Variants in PTPRN2 observed in about 807,000 individuals in gnomAD.
The protein encoded by PTPRN2 is receptor-type tyrosine-protein phosphatase N2.
PTPRN2 carries 74 observed loss-of-function variants against 118.8 expected under a neutral mutation model. That is an observed-to-expected ratio of 0.62 (90% CI 0.52 to 0.76). The LOEUF (loss-of-function observed/expected upper bound fraction) is 0.76, where lower values mean the gene tolerates loss of function less well. Among genes scored for constraint, PTPRN2 ranks in the 30% least tolerant of loss-of-function variants. The pLI, the probability that PTPRN2 is intolerant of heterozygous loss-of-function variation, is 0.00. For missense variants in PTPRN2, 1,481 were observed against 1,394.4 expected (o/e 1.06, Z -0.99); for synonymous variants, 641 against 608.0 (o/e 1.05, Z -0.80).
intron 12 of PTPRN2, among the ~76,000 whole-genome samples, chr7:157,811,919 G>A (rs1415306169): frequency 6.6e-6 from 1 of 152,148 alleles, no homozygotes; most frequent in East Asian, 1.9e-4. Context: ...AATGCTGAAT[G>A]AGTCTCCGAC....
intron 1 of PTPRN2, among the ~76,000 whole-genome samples, chr7:158,493,344 T>C (rs1157133291): frequency 6.7e-6 from 1 of 148,602 alleles, no homozygotes; most frequent in East Asian, 2.0e-4. Context: ...CCTGCACACA[T>C]ACACACACGC....
At chr7:158,543,873 C>A (rs1236028670) in intron 1 of PTPRN2, among the ~76,000 whole-genome samples, 2 of 152,246 alleles carry the variant, frequency 1.3e-5, no homozygotes, top group Non-Finnish European at 2.9e-5. Context: ...AGCCTCCCGG[C>A]TAAGCTGCCT....
intron 22 of PTPRN2, among the ~76,000 whole-genome samples, chr7:157,544,901 T>C (rs950377564): frequency 2.8e-5 from 4 of 143,902 alleles, no homozygotes; most frequent in African/African-American, 7.5e-5. Context: ...TAGGTGTGTG[T>C]GGGTGTGTGC....
chr7:158,283,402 C>T (rs575277414), intron 3 of PTPRN2, among the ~76,000 whole-genome samples: 63 of 152,230 alleles, frequency 4.1e-4, no homozygotes, highest in African/African-American at 1.4e-3. Context: ...GTAGCCAAGA[C>T]GGGGCAGGAG....
intron 14 of PTPRN2, 26 bp downstream of exon 14, chr7:157,656,331 G>T: frequency 6.5e-7 from 1 of 1,530,344 alleles, no homozygotes. Flanking sequence ...TGTTTGTGTG[G>T]CAGGGAGTGC....
Position 157,674,516 on chromosome 7 carries a change from C to T in PTPRN2, c.2001+8209G>A, listed in dbSNP as rs1457055394. Among the ~76,000 whole-genome samples, 1 of 152,262 alleles carries T rather than the reference C, an allele frequency of 6.6e-6. No individual in the cohort carries two copies. Among genetic ancestry groups the T allele is most frequent in the African/African-American group, 2.4e-5 (1 of 41,468 alleles). On this transcript the variant is annotated intron_variant, in intron 13 of 22. Transcript: ENST00000389418. This position sits in a 1 kb window ranked among gnomAD's most constrained non-coding sequence, Gnocchi z 4.5. ...CCAGCCATCATTCCTCATCCCACCA[C>T]CCCGCGCAGCGTCTTGCCTCCTTTT...
At chr7:158,450,186 G>T (rs555527718) in intron 2 of PTPRN2, among the ~76,000 whole-genome samples, 2 of 152,322 alleles carry the variant, frequency 1.3e-5, no homozygotes, top group Admixed American at 1.3e-4. Context: ...CCGCCCAAAG[G>T]CCACCTATCC....
intron 11 of PTPRN2, among the ~76,000 whole-genome samples, chr7:157,978,369 A>C (rs1170380444): frequency 1.3e-5 from 2 of 151,954 alleles, no homozygotes; most frequent in Non-Finnish European, 2.9e-5. Context: ...ACTTCCTCCT[A>C]GACAAGACAC....
chr7:158,439,820 G>A lies in PTPRN2; in HGVS notation c.163+49915C>T, dbSNP rs551662008. 9.8e-5 allele frequency among the ~76,000 whole-genome samples: 15 copies of A among 152,320 alleles called. 1 individual carries two copies. The highest frequency in any genetic ancestry group is 3.9e-4 in the Admixed American group (6 of 15,294). On this transcript the variant is annotated intron_variant, in intron 2 of 22. Transcript: ENST00000389418. ...CAGGCTTATTTACGGGGTGCACCTC[G>A]TAGTGCCCACAAGGAAGCTAGATCT...
chr7:158,425,972 C>T, intron 2 of PTPRN2, among the ~76,000 whole-genome samples: 1 of 109,538 alleles, frequency 9.1e-6, no homozygotes, highest in Non-Finnish European at 1.8e-5. Context: ...GAGTCCGAGA[C>T]CAGCCTAGCT....
At chr7:158,495,930 G>A (rs537430650) in intron 1 of PTPRN2, among the ~76,000 whole-genome samples, 2 of 152,110 alleles carry the variant, frequency 1.3e-5, no homozygotes, top group South Asian at 2.1e-4. Flanking sequence ...GGAGGAGGAA[G>A]GCTCCTCCCA....
chr7:158,268,044 G>T (rs1470409384), intron 3 of PTPRN2, among the ~76,000 whole-genome samples: 1 of 152,196 alleles, frequency 6.6e-6, no homozygotes, highest in Non-Finnish European at 1.5e-5. Context: ...TCACCCTCGT[G>T]GTGTGACAGC....
At chr7:157,677,904 G>A (rs540124522) in intron 13 of PTPRN2, among the ~76,000 whole-genome samples, 6 of 152,226 alleles carry the variant, frequency 3.9e-5, no homozygotes, top group East Asian at 1.9e-4. Context: ...AGGGAGGCAC[G>A]GCCTTGCCCT....
intron 1 of PTPRN2, among the ~76,000 whole-genome samples, chr7:158,578,763 T>G (rs10266808): frequency 0.26 from 39,116 of 151,382 alleles, 5,350 homozygotes; most frequent in East Asian, 0.45. Flanking sequence ...TCTTTTTTTT[T>G]TTGTTGTTGT....
chr7:157,610,213 A>T lies in PTPRN2; in HGVS notation c.2345-6138T>A, dbSNP rs778606486. Among the ~76,000 whole-genome samples, 1 of 152,160 alleles carries T rather than the reference A, an allele frequency of 6.6e-6. No homozygotes were observed. Among genetic ancestry groups the T allele is most frequent in the Non-Finnish European group, 1.5e-5 (1 of 68,026 alleles). ...CATCTGTGAAGCCACTGCTGAGTCC[A>T]GGGGCCTCACGGAACTTGGCAATGG... On this transcript the variant is annotated intron_variant, in intron 15 of 22. Coordinates refer to ENST00000389418, the MANE Select transcript of PTPRN2 (RefSeq NM_002847.5). The surrounding 1 kb of genome is among the most constrained non-coding windows in gnomAD (Gnocchi z 5.1).
intron 12 of PTPRN2, among the ~76,000 whole-genome samples, chr7:157,798,234 C>T (rs767428803): frequency 1.3e-5 from 2 of 151,964 alleles, no homozygotes; most frequent in Non-Finnish European, 1.5e-5. Flanking sequence ...ACTCCAGCCT[C>T]GGTGACAGAG....
intron 9 of PTPRN2, among the ~76,000 whole-genome samples, chr7:158,123,378 C>T (rs372068625): frequency 2.6e-5 from 4 of 152,306 alleles, no homozygotes; most frequent in Admixed American, 6.5e-5. Flanking sequence ...ACAGACACCA[C>T]GGTGACCGAC....
intron 3 of PTPRN2, among the ~76,000 whole-genome samples, chr7:158,208,335 T>C (rs1381490358): frequency 6.6e-6 from 1 of 152,090 alleles, no homozygotes; most frequent in African/African-American, 2.4e-5. Flanking sequence ...CAAATAAGAC[T>C]ACCTCAAGAC....
At chr7:158,020,541 C>T (rs935157806) in intron 11 of PTPRN2, among the ~76,000 whole-genome samples, 10 of 152,014 alleles carry the variant, frequency 6.6e-5, no homozygotes, top group Non-Finnish European at 1.0e-4. Flanking sequence ...ATAGTGGGTG[C>T]GGAGAGGAGA....
Sources: gnomAD v4.1 joint callset for allele counts (sites outside exome capture counted in the v4.1 genomes callset) on GRCh38, gnomAD v4.1.1 for gene constraint, Gnocchi (gnomAD v3.1) non-coding constraint, MANE v1.5 for transcripts, NCBI Gene and HGNC (gene_info 2026-07-23, HGNC 2026-07-21) for gene names.